RAD51B: variants seen among roughly 807,000 people sequenced by gnomAD.
RAD51B encodes DNA repair protein RAD51 homolog 2.
In RAD51B, 38 loss-of-function variants were observed where a neutral mutation model predicts 42.2. The ratio of observed to expected loss-of-function variants is 0.90; its 90% CI spans 0.70 to 1.18. The LOEUF is 1.18. Ranked by LOEUF, RAD51B falls within the 50% of genes most tolerant of loss-of-function variation. The pLI, the probability that RAD51B is intolerant of heterozygous loss-of-function variation, is 0.00. For synonymous variants in RAD51B, 154 were observed against 145.2 expected, an observed-to-expected ratio of 1.06 and a Z score of -0.43; for missense variants, 373 against 400.7, an observed-to-expected ratio of 0.93 and a Z score of 0.59.
At chr14:68,612,658 C>T (rs191422463), downstream of RAD51B, among the ~76,000 whole-genome samples, 2 of 152,166 alleles carry the variant, frequency 1.3e-5, no homozygotes, top group East Asian at 3.9e-4. Context: ...TACAAAGTTT[C>T]TGTTTTTCAA....
chr14:68,484,891 T>G (rs1471600508), intron 10 of RAD51B, among the ~76,000 whole-genome samples: 1 of 152,220 alleles, frequency 6.6e-6, no homozygotes, highest in Non-Finnish European at 1.5e-5. Context: ...AAACTTCAGT[T>G]TGCACATGGC....
intron 7 of RAD51B, among the ~76,000 whole-genome samples, chr14:68,118,547 T>C (rs2077588863): frequency 6.6e-6 from 1 of 152,230 alleles, no homozygotes; most frequent in African/African-American, 2.4e-5. Context: ...ATTGGATTTT[T>C]TGTAACCTGT....
intron 10 of RAD51B, chr14:68,562,720 C>T (rs1334745517): frequency 2.0e-6 from 2 of 985,278 alleles, no homozygotes; most frequent in African/African-American, 1.7e-5. Flanking sequence ...TGTTTCCCCA[C>T]AGCTATTCAT....
chr14:68,331,408 G>A (rs1409503874), intron 8 of RAD51B, among the ~76,000 whole-genome samples: 1 of 117,604 alleles, frequency 8.5e-6, no homozygotes, highest in Non-Finnish European at 1.9e-5. Context: ...GCATTATTGT[G>A]GTTTCAATGG....
intron 7 of RAD51B, among the ~76,000 whole-genome samples, chr14:68,006,352 C>T (rs191607428): frequency 3.1e-4 from 47 of 152,222 alleles, no homozygotes; most frequent in Admixed American, 7.8e-4. Flanking sequence ...TCCAAACTTT[C>T]TATTTCCTTT....
At chr14:68,199,562 A>G (rs2079441272) in intron 7 of RAD51B, among the ~76,000 whole-genome samples, 1 of 152,238 alleles carries the variant, frequency 6.6e-6, no homozygotes, top group African/African-American at 2.4e-5. Context: ...CTCAGACTCC[A>G]GTGAATACCA....
At chr14:68,096,390 A>T (rs938249172) in intron 7 of RAD51B, among the ~76,000 whole-genome samples, 1 of 152,150 alleles carries the variant, frequency 6.6e-6, no homozygotes, top group Non-Finnish European at 1.5e-5. Context: ...ATTTTTCTGG[A>T]TTGTCTGCAT....
Position 68,584,138 on chromosome 14 carries a change from C to G in RAD51B, c.1037-10347C>G, listed in dbSNP as rs28530492. Among the ~76,000 whole-genome samples the G allele has an allele frequency of 3.3e-5, 5 of 152,102 alleles. No homozygotes were observed. In the East Asian group the frequency reaches 9.6e-4, roughly 29 times the overall value. ...TGCCTCAGGGTCATTCAGGTGTCAC[C>G]GTCTCATGCTCCTGACACAGTGAAG... On this transcript the variant is annotated intron_variant, in intron 10 of 10. Transcript: ENST00000487270.
At chr14:68,310,823 C>T (rs1030260701) in intron 8 of RAD51B, among the ~76,000 whole-genome samples, 1 of 151,936 alleles carries the variant, frequency 6.6e-6, no homozygotes, top group Admixed American at 6.6e-5. Context: ...CTAGCCTGGG[C>T]CACAGAGCAA....
chr14:68,395,550 G>A (rs1250271704), intron 8 of RAD51B, among the ~76,000 whole-genome samples: 1 of 152,148 alleles, frequency 6.6e-6, no homozygotes, highest in Non-Finnish European at 1.5e-5. Context: ...AAATTTTTAT[G>A]CTCTCGAGGT....
chr14:68,543,553 TA>T (rs924023289), intron 10 of RAD51B, among the ~76,000 whole-genome samples: 25 of 152,188 alleles, frequency 1.6e-4, no homozygotes, highest in African/African-American at 5.8e-4. Context: ...AAAGATTATA[TA>T]AAAATACAAA....
At chr14:68,078,464 G>A (rs1400836096) in intron 7 of RAD51B, among the ~76,000 whole-genome samples, 3 of 151,932 alleles carry the variant, frequency 2.0e-5, no homozygotes, top group African/African-American at 7.3e-5. Flanking sequence ...AAAATAATAT[G>A]ACATATATGT....
At chr14:68,226,919 A>G (rs1357651670) in intron 7 of RAD51B, among the ~76,000 whole-genome samples, 2 of 152,046 alleles carry the variant, frequency 1.3e-5, no homozygotes, top group African/African-American at 4.8e-5. Flanking sequence ...GTTTTTCTTT[A>G]CTTCGTTTCT....
intron 7 of RAD51B, among the ~76,000 whole-genome samples, chr14:68,095,848 C>T (rs1014061489): frequency 1.1e-4 from 17 of 151,634 alleles, no homozygotes; most frequent in African/African-American, 1.7e-4. Context: ...TGGTGGCGGG[C>T]GCCTGGAGTC....
At chr14:68,348,462 G>T (rs1482986707) in intron 8 of RAD51B, among the ~76,000 whole-genome samples, 1 of 152,146 alleles carries the variant, frequency 6.6e-6, no homozygotes, top group Admixed American at 6.5e-5. Flanking sequence ...AGGTTAAAAT[G>T]GTTTATGCAA....
chr14:68,043,923 A>G (rs1030244108), intron 7 of RAD51B, among the ~76,000 whole-genome samples: 2 of 152,234 alleles, frequency 1.3e-5, no homozygotes, highest in Non-Finnish European at 2.9e-5. Flanking sequence ...AGGTTGTAAA[A>G]GAAGGAACTG....
intron 10 of RAD51B, among the ~76,000 whole-genome samples, chr14:68,490,910 C>G (rs1884018211): frequency 6.6e-6 from 1 of 152,162 alleles, no homozygotes. Flanking sequence ...CAATGGGAGG[C>G]CTCCTCAGAG....
chr14:68,483,014 T>G (rs779211376), downstream of RAD51B, among the ~76,000 whole-genome samples: 1 of 151,816 alleles, frequency 6.6e-6, no homozygotes, highest in East Asian at 1.9e-4. Flanking sequence ...GTTGCCACAG[T>G]AGGGGAAGGG....
intron 10 of RAD51B, among the ~76,000 whole-genome samples, chr14:68,526,110 G>A (rs1341913961): frequency 1.8e-4 from 28 of 152,180 alleles, no homozygotes; most frequent in Admixed American, 1.8e-3. Flanking sequence ...GTTAATATAT[G>A]TCAAGTGCTT....
Sources: gnomAD v4.1 joint callset for allele counts (sites outside exome capture counted in the v4.1 genomes callset) on GRCh38, gnomAD v4.1.1 for gene constraint, MANE v1.5 for transcripts, NCBI Gene and HGNC (gene_info 2026-07-23, HGNC 2026-07-21) for gene names.